Variants in KALRN observed in about 807,000 individuals in gnomAD.
The protein encoded by KALRN is kalirin.
In KALRN, 70 loss-of-function variants were observed where a neutral mutation model predicts 353.7. The observed-to-expected ratio is 0.20, with a 90% CI of 0.16 to 0.24. The LOEUF (loss-of-function observed/expected upper bound fraction) is 0.24, where lower values mean the gene tolerates loss of function less well. KALRN is among the 10% of genes least tolerant of loss of function. KALRN has a pLI of 1.00. For synonymous variants in KALRN, 1,391 were observed against 1,434.8 expected, an observed-to-expected ratio of 0.97 and a Z score of 0.69; for missense variants, 2,791 against 3,756.7, an observed-to-expected ratio of 0.74 and a Z score of 6.72.
At chr3:124,105,082 A>G (rs1341790354) in intron 1 of KALRN, among the ~76,000 whole-genome samples, 2 of 152,164 alleles carry the variant, frequency 1.3e-5, no homozygotes, top group African/African-American at 4.8e-5. Context: ...CAACTGGAGA[A>G]AAAGAAAATG....
At chr3:124,284,692 A>G (rs1026093312) in intron 5 of KALRN, among the ~76,000 whole-genome samples, 12 of 152,220 alleles carry the variant, frequency 7.9e-5, no homozygotes, top group Admixed American at 7.9e-4. Flanking sequence ...GTGCTCAATA[A>G]GTGAATGAAC....
rs1041541031 is a variant in KALRN at position 124,662,009 on chromosome 3, GCC to G, written c.6345+82_6345+83del. 13 of 1,135,116 alleles carry G rather than the reference GCC, an allele frequency of 1.1e-5. No individual in the cohort carries two copies. In the African/African-American group the frequency reaches 1.8e-4, roughly 16 times the overall value. 70.3% of individuals were successfully genotyped at this position (1,135,116 alleles called of 1,614,324 possible). On this transcript the variant is annotated intron_variant, in intron 45 of 59. Transcript: ENST00000682506. ...ACTGTTGCGGCTTCCTCCCCCTGAAGCCTTGTGTCCTGCCTGTGCCTCCTTCA... is the reference window on the plus strand; with the variant it reads ...ACTGTTGCGGCTTCCTCCCCCTGAAGTTGTGTCCTGCCTGTGCCTCCTTCA...
intron 34 of KALRN, chr3:124,585,034 G>A (rs534096784): frequency 2.6e-6 from 3 of 1,159,486 alleles, no homozygotes; most frequent in African/African-American, 1.6e-5. Flanking sequence ...TGGGGATCAG[G>A]AGGGCGGCGA....
intron 47 of KALRN, among the ~76,000 whole-genome samples, chr3:124,668,023 C>T (rs1169135783): frequency 6.7e-6 from 1 of 148,556 alleles, no homozygotes; most frequent in Non-Finnish European, 1.5e-5. Context: ...ACTCAGAAAA[C>T]ACATATGCCT....
intron 34 of KALRN, among the ~76,000 whole-genome samples, chr3:124,598,961 C>T (rs1419317039): frequency 1.3e-5 from 2 of 150,518 alleles, no homozygotes; most frequent in African/African-American, 2.4e-5. Context: ...CAGGTGTAGC[C>T]ACCACGCCTG....
intron 34 of KALRN, among the ~76,000 whole-genome samples, chr3:124,571,078 C>T (rs2110051819): frequency 6.6e-6 from 1 of 152,302 alleles, no homozygotes; most frequent in East Asian, 1.9e-4. Flanking sequence ...TCTCCCCCGT[C>T]CGAGCCCCGA....
At chr3:124,644,337 T>G (rs1262142374) in intron 37 of KALRN, among the ~76,000 whole-genome samples, 3 of 152,146 alleles carry the variant, frequency 2.0e-5, no homozygotes, top group African/African-American at 7.2e-5. Context: ...TTTAAAATTT[T>G]TTTTTATACT....
At chr3:124,233,454 C>G (rs2079404919) in intron 2 of KALRN, among the ~76,000 whole-genome samples, 1 of 152,158 alleles carries the variant, frequency 6.6e-6, no homozygotes, top group Non-Finnish European at 1.5e-5. Flanking sequence ...CTGAGTTAAT[C>G]TGTATGAATC....
intron 1 of KALRN, among the ~76,000 whole-genome samples, chr3:124,147,959 G>A (rs2067577176): frequency 6.6e-6 from 1 of 152,198 alleles, no homozygotes; most frequent in African/African-American, 2.4e-5. Flanking sequence ...CACATAATGG[G>A]TGCCTTCCGT....
At chr3:124,042,038 C>T (rs530206548) in intron 1 of KALRN, among the ~76,000 whole-genome samples, 2 of 152,300 alleles carry the variant, frequency 1.3e-5, no homozygotes, top group East Asian at 1.9e-4. Context: ...AAGTGGCAGA[C>T]GCTTTGTACA....
chr3:124,525,588 C>T lies in KALRN; in HGVS notation c.4935+29175C>T, dbSNP rs183426484. Among the ~76,000 whole-genome samples, 15 of 152,272 alleles carry T rather than the reference C, an allele frequency of 9.9e-5. No individual in the cohort carries two copies. The East Asian group carries it at 2.7e-3, about 27-fold the overall frequency. On this transcript the variant is annotated intron_variant, in intron 33 of 59. Coordinates refer to ENST00000682506, the MANE Select transcript of KALRN (RefSeq NM_001388419.1). ...CACTCTGAGTGTTGCTCTGGTGTCTCACAGATTCACGAGGACTTGCCTGGG... is the reference window on the plus strand; with the variant it reads ...CACTCTGAGTGTTGCTCTGGTGTCTTACAGATTCACGAGGACTTGCCTGGG...
chr3:124,155,858 A>T (rs1486172689), intron 1 of KALRN, among the ~76,000 whole-genome samples: 1 of 152,194 alleles, frequency 6.6e-6, no homozygotes, highest in Non-Finnish European at 1.5e-5. Context: ...AGAATTAGAC[A>T]CACAGAGCCT....
chr3:124,592,191 A>G (rs2075845798), intron 34 of KALRN, among the ~76,000 whole-genome samples: 1 of 151,562 alleles, frequency 6.6e-6, no homozygotes, highest in Non-Finnish European at 1.5e-5. Context: ...AACCCCAGCT[A>G]CTCGGGAGGC....
chr3:124,574,002 G>C (rs1297973410), intron 34 of KALRN, among the ~76,000 whole-genome samples: 1 of 152,216 alleles, frequency 6.6e-6, no homozygotes, highest in African/African-American at 2.4e-5. Flanking sequence ...GCTGACCTGT[G>C]TGATGGGGGT....
chr3:124,307,431 A>C (rs911675617), intron 6 of KALRN, among the ~76,000 whole-genome samples: 3 of 152,064 alleles, frequency 2.0e-5, no homozygotes, highest in Admixed American at 1.3e-4. Flanking sequence ...TACTTATAAC[A>C]ATCTAATGTT....
At chr3:124,212,762 C>A (rs145424402) in intron 1 of KALRN, among the ~76,000 whole-genome samples, 4 of 152,064 alleles carry the variant, frequency 2.6e-5, no homozygotes, top group South Asian at 2.1e-4. Flanking sequence ...TAATGCTGAA[C>A]CTTGCTAGCA....
In KALRN at chr3:124,719,004, C is replaced by T. The variant is rs770837121; in HGVS notation, c.8495C>T (p.Ser2832Leu). The T allele has an allele frequency of 1.4e-5, 23 of 1,614,062 alleles. No homozygotes were observed. The highest frequency in any genetic ancestry group is 1.6e-4 in the Middle Eastern group (1 of 6,084). ...LIDLEDAVQISGHFHIHHLLG... is the reference protein window; with the variant it reads ...LIDLEDAVQILGHFHIHHLLG... ...GACTTGGAGGATGCTGTCCAGATCT[C>T]GGGTCACTTCCACATTCACCACCTG... Residue 2832 changes from serine (S) to leucine (L), a missense_variant, in exon 60 of 60, where the codon TCG (serine) becomes TTG (leucine). Around this residue, in one of 11 missense-constraint regions of KALRN, gnomAD observed 188 missense variants for 402.9 expected, o/e 0.47. Transcript: ENST00000682506. The surrounding 1 kb of genome is among the most constrained non-coding windows in gnomAD (Gnocchi z 5.3).
At chr3:124,472,115 T>A (rs1049343214) in intron 25 of KALRN, among the ~76,000 whole-genome samples, 11 of 152,200 alleles carry the variant, frequency 7.2e-5, no homozygotes, top group Admixed American at 1.3e-4. Context: ...GTAGCTGCTA[T>A]CACAAAAGTC....
chr3:124,103,260 G>C, intron 1 of KALRN, among the ~76,000 whole-genome samples: 1 of 152,302 alleles, frequency 6.6e-6, no homozygotes, highest in East Asian at 1.9e-4. Flanking sequence ...TAGCTGCTTT[G>C]TGAGGTCCCG....
Sources: gnomAD v4.1 joint callset for allele counts (sites outside exome capture counted in the v4.1 genomes callset) on GRCh38, gnomAD v4.1.1 for gene constraint, gnomAD v4.1.1 regional missense constraint, Gnocchi (gnomAD v3.1) non-coding constraint, MANE v1.5 for transcripts, NCBI Gene and HGNC (gene_info 2026-07-23, HGNC 2026-07-21) for gene names.